VPS50: variants seen among roughly 807,000 people sequenced by gnomAD.
VPS50 encodes the protein syndetin.
Under a neutral mutation model 139.7 loss-of-function variants are expected in VPS50, and 70 were observed. The ratio of observed to expected loss-of-function variants is 0.50; its 90% CI spans 0.41 to 0.61. The LOEUF (loss-of-function observed/expected upper bound fraction) is 0.61, where lower values mean the gene tolerates loss of function less well. VPS50 is among the 20% of genes least tolerant of loss of function. The pLI, the probability that VPS50 is intolerant of heterozygous loss-of-function variation, is 0.00. For missense variants in VPS50, 921 were observed against 1,133.7 expected, an observed-to-expected ratio of 0.81 and a Z score of 2.69; for synonymous variants, 365 against 376.7, an observed-to-expected ratio of 0.97 and a Z score of 0.36.
At chr7:93,278,883 A>C (rs1237005056) in intron 12 of VPS50, among the ~76,000 whole-genome samples, 1 of 152,076 alleles carries the variant, frequency 6.6e-6, no homozygotes, top group African/African-American at 2.4e-5. Flanking sequence ...GTCATAGAAA[A>C]CATAATAGCA....
chr7:93,305,741 AACTC>A, intron 17 of VPS50, 83 bp from the exon 18 acceptor site: 1 of 899,804 alleles, frequency 1.1e-6, no homozygotes, highest in Non-Finnish European at 1.8e-6. Context: ...TTTTTCTACT[AACTC>A]TACATGTATA....
At chr7:93,245,884 TCATTATAAACTTACGTGG>T (rs1286747213) in intron 2 of VPS50, among the ~76,000 whole-genome samples, 9 of 151,984 alleles carry the variant, frequency 5.9e-5, no homozygotes, top group African/African-American at 2.2e-4. Context: ...ATCTGGCCAT[TCATTATAAACTTACGTGG>T]CATGTGGTTT....
chr7:93,343,444 C>T (rs1230981071), intron 23 of VPS50, among the ~76,000 whole-genome samples: 1 of 152,102 alleles, frequency 6.6e-6, no homozygotes, highest in Non-Finnish European at 1.5e-5. Context: ...CCCAATCTAG[C>T]AAGGCAGGCC....
At chr7:93,305,248 C>T (rs1303105311) in intron 17 of VPS50, among the ~76,000 whole-genome samples, 7 of 151,864 alleles carry the variant, frequency 4.6e-5, no homozygotes, top group Admixed American at 4.6e-4. Context: ...CTGGGTCTTA[C>T]AACTCTTTAG....
chr7:93,272,437 C>G (rs1182450008), intron 10 of VPS50, among the ~76,000 whole-genome samples, 198 bp from the exon 11 acceptor site: 1 of 151,772 alleles, frequency 6.6e-6, no homozygotes, highest in African/African-American at 2.4e-5. Flanking sequence ...TCTTGGTAAA[C>G]TTGATTATAG....
intron 2 of VPS50, chr7:93,246,179 T>C (rs1795147813): frequency 8.7e-7 from 1 of 1,146,806 alleles, no homozygotes; most frequent in African/African-American, 1.6e-5. Context: ...TTTTTTATGT[T>C]GACGAATGAA....
chr7:93,245,104 C>A (rs2116794565), intron 2 of VPS50, among the ~76,000 whole-genome samples: 1 of 151,858 alleles, frequency 6.6e-6, no homozygotes, highest in South Asian at 2.1e-4. Context: ...AGTAGAGGCA[C>A]AACAGAGTTC....
chr7:93,340,963 A>C (rs1324200761), intron 22 of VPS50: 1 of 153,414 alleles, frequency 6.5e-6, no homozygotes, highest in Non-Finnish European at 1.4e-5. Flanking sequence ...GTTCTAGTTT[A>C]TAACTTCATT....
intron 23 of VPS50, among the ~76,000 whole-genome samples, chr7:93,345,249 G>A (rs538491259): frequency 2.1e-3 from 315 of 152,188 alleles, no homozygotes; most frequent in African/African-American, 3.3e-3. Context: ...TAAATTCCTC[G>A]ACACATACAC....
chr7:93,300,166 A>G (rs537739390), intron 16 of VPS50, among the ~76,000 whole-genome samples: 6 of 152,288 alleles, frequency 3.9e-5, no homozygotes, highest in Admixed American at 1.3e-4. Context: ...TGAAGAAATT[A>G]TATGTCTTTT....
In VPS50 at chr7:93,330,366, C is replaced by G. The variant is rs118017318; in HGVS notation, c.1978-3751C>G. On this transcript the variant is annotated intron_variant, in intron 21 of 27. Coordinates refer to ENST00000305866, the MANE Select transcript of VPS50 (RefSeq NM_017667.4). ...TAGGTGCAAACTCAACTAATCATTA[C>G]ATTAGATGATAATGGACTAAACTCT... 7.6e-3 allele frequency among the ~76,000 whole-genome samples: 1,161 copies of G among 152,232 alleles called. 15 individuals are homozygous for G. The highest frequency in any genetic ancestry group is 0.044 in the Middle Eastern group (13 of 294).
intron 17 of VPS50, among the ~76,000 whole-genome samples, chr7:93,304,581 TAA>T (rs1797065473): frequency 6.6e-6 from 1 of 151,894 alleles, no homozygotes; most frequent in Admixed American, 6.6e-5. Flanking sequence ...TTTAGAATTC[TAA>T]GTTTAACATA....
At chr7:93,256,758 G>A (rs746702094) in intron 5 of VPS50, among the ~76,000 whole-genome samples, 196 bp downstream of exon 5, 120 of 152,014 alleles carry the variant, frequency 7.9e-4, no homozygotes, top group Non-Finnish European at 1.5e-3. Context: ...CTGAAGAAGC[G>A]AAGGGTTTTT....
intron 25 of VPS50, among the ~76,000 whole-genome samples, chr7:93,350,593 G>T (rs1019111942): frequency 6.6e-6 from 1 of 152,074 alleles, no homozygotes; most frequent in Non-Finnish European, 1.5e-5. Context: ...GTGAATTCAG[G>T]AACTTATGTG....
chr7:93,283,061 T>A (rs532030208), intron 12 of VPS50, among the ~76,000 whole-genome samples: 1 of 152,158 alleles, frequency 6.6e-6, no homozygotes, highest in African/African-American at 2.4e-5. Flanking sequence ...CTCTGGATCA[T>A]CAAAAATTGT....
intron 20 of VPS50, chr7:93,321,158 C>G (rs937191845): frequency 6.6e-6 from 1 of 152,210 alleles, no homozygotes; most frequent in Non-Finnish European, 1.5e-5. Flanking sequence ...ATTGTTGCCA[C>G]AGAGACTGTG....
intron 1 of VPS50, among the ~76,000 whole-genome samples, chr7:93,233,085 A>T (rs895901286): frequency 3.3e-5 from 5 of 152,234 alleles, no homozygotes; most frequent in Admixed American, 6.5e-5. Context: ...GCTTTAAAAA[A>T]TTTATTTTTG....
intron 25 of VPS50, among the ~76,000 whole-genome samples, chr7:93,351,960 A>G (rs1191808716): frequency 1.3e-5 from 2 of 152,200 alleles, no homozygotes; most frequent in African/African-American, 4.8e-5. Context: ...CTTTAAGCAT[A>G]AAGGTTAATT....
At chr7:93,268,718 A>G (rs1178748585) in intron 9 of VPS50, among the ~76,000 whole-genome samples, 1 of 152,152 alleles carries the variant, frequency 6.6e-6, no homozygotes, top group Non-Finnish European at 1.5e-5. Context: ...TTATTTATCC[A>G]GTCTGTCATT....
Sources: allele counts gnomAD v4.1 joint callset (sites outside exome capture counted in the v4.1 genomes callset), GRCh38; gene constraint gnomAD v4.1.1; transcripts MANE v1.5; gene names NCBI Gene and HGNC (gene_info 2026-07-23, HGNC 2026-07-21).